SGMS1: variants seen among roughly 807,000 people sequenced by gnomAD.
SGMS1 encodes phosphatidylcholine:ceramide cholinephosphotransferase 1.
A neutral mutation model predicts 46.2 loss-of-function variants in SGMS1; 13 were observed. The observed-to-expected ratio is 0.28, with a 90% confidence interval of 0.18 to 0.45. SGMS1 has a LOEUF of 0.45. SGMS1 is among the 20% of genes least tolerant of loss of function. The pLI is 1.00. For synonymous variants in SGMS1, 203 were observed against 187.8 expected, an observed-to-expected ratio of 1.08 and a Z score of -0.66; for missense variants, 324 against 519.9, an observed-to-expected ratio of 0.62 and a Z score of 3.66.
At chr10:50,390,350 C>T (rs1220002490) in intron 6 of SGMS1, among the ~76,000 whole-genome samples, 2 of 152,144 alleles carry the variant, frequency 1.3e-5, no homozygotes, top group African/African-American at 4.8e-5. Context: ...AATTTATTTT[C>T]TTTTATGCTT....
chr10:50,492,875 C>T (rs193282230), intron 3 of SGMS1, among the ~76,000 whole-genome samples: 2 of 152,114 alleles, frequency 1.3e-5, no homozygotes, highest in African/African-American at 4.8e-5. Flanking sequence ...AAGAACTCCA[C>T]TATGGGCCAA....
intron 3 of SGMS1, among the ~76,000 whole-genome samples, chr10:50,483,986 A>G (rs545393062): frequency 6.6e-6 from 1 of 152,350 alleles, no homozygotes; most frequent in African/African-American, 2.4e-5. Flanking sequence ...TAAAAGAACT[A>G]GAGAAGAAAG....
chr10:50,433,657 G>A (rs371835357), intron 5 of SGMS1, 101 bp from the exon 6 acceptor site: 76 of 152,336 alleles, frequency 5.0e-4, no homozygotes, highest in African/African-American at 1.8e-3. Flanking sequence ...ACATAGAAAA[G>A]TCCAGTCATC....
At chr10:50,320,284 G>C (rs1265596192) in intron 8 of SGMS1, among the ~76,000 whole-genome samples, 1 of 152,124 alleles carries the variant, frequency 6.6e-6, no homozygotes, top group Non-Finnish European at 1.5e-5. Flanking sequence ...CAGATACTTG[G>C]CTAGTCTTCT....
chr10:50,465,966 A>G (rs989703125), intron 4 of SGMS1, among the ~76,000 whole-genome samples: 3 of 152,202 alleles, frequency 2.0e-5, no homozygotes, highest in Admixed American at 1.3e-4. Flanking sequence ...ATACTTATCT[A>G]AATATAGACT....
chr10:50,474,030 G>A (rs1331018320), intron 3 of SGMS1: 2 of 152,240 alleles, frequency 1.3e-5, no homozygotes, highest in African/African-American at 2.4e-5. Context: ...GAACACTTAA[G>A]CTCAGGACAA....
rs563013068 is a variant in SGMS1, at chr10:50,307,292, G to A, written c.1092C>T (p.Leu364=). The change falls in exon 11 of 11, where the codon CTC becomes CTT. Residue 364 remains leucine, a synonymous_variant. Coordinates refer to ENST00000361781, the MANE Select transcript of SGMS1 (RefSeq NM_147156.4). This position sits in a 1 kb window ranked among gnomAD's most constrained non-coding sequence, Gnocchi z 4.2. ...GCCTGTACCACCACACCCTGGCCAG[G>A]AGGTTCATCTGGGAAGCTTCCTTTA... ...QVLKEASQMN[L]LARVWWYRPF... is the part of the protein sequence containing the mutation. 2 of 1,613,620 alleles carry A rather than the reference G, an allele frequency of 1.2e-6. No homozygotes were observed. Among genetic ancestry groups the A allele is most frequent in the Non-Finnish European group, 1.7e-6 (2 of 1,179,764 alleles).
chr10:50,487,895 C>A (rs962517017), intron 3 of SGMS1, among the ~76,000 whole-genome samples: 1 of 151,998 alleles, frequency 6.6e-6, no homozygotes, highest in Non-Finnish European at 1.5e-5. Context: ...TACTATTTTA[C>A]AAGTATTTTC....
intron 3 of SGMS1, among the ~76,000 whole-genome samples, chr10:50,489,914 C>T (rs1837553830): frequency 6.6e-6 from 1 of 152,130 alleles, no homozygotes; most frequent in South Asian, 2.1e-4. Flanking sequence ...GTGGAGGTTG[C>T]AGTGAGCTGA....
chr10:50,364,767 C>T (rs2574955), intron 6 of SGMS1, among the ~76,000 whole-genome samples: 49,116 of 152,060 alleles, frequency 0.32, 8,426 homozygotes, highest in South Asian at 0.41. Flanking sequence ...CTCTCATACA[C>T]CATCAAAATG....
At chr10:50,573,473 CTAACCTGGGAGG>C (rs1355145747) in intron 2 of SGMS1, among the ~76,000 whole-genome samples, 1 of 152,070 alleles carries the variant, frequency 6.6e-6, no homozygotes, top group African/African-American at 2.4e-5. Context: ...AGAAATAAAC[CTAACCTGGGAGG>C]TAACATACTT....
At chr10:50,399,124 C>T (rs1007730120) in intron 6 of SGMS1, among the ~76,000 whole-genome samples, 1 of 151,890 alleles carries the variant, frequency 6.6e-6, no homozygotes. Context: ...AGTAAATTTA[C>T]TGAAAATCAC....
At chr10:50,443,810 T>C (rs1163190965) in intron 5 of SGMS1, among the ~76,000 whole-genome samples, 2 of 152,230 alleles carry the variant, frequency 1.3e-5, no homozygotes, top group Non-Finnish European at 1.5e-5. Flanking sequence ...TAATATTGTA[T>C]TATATAGTTT....
At chr10:50,542,221 CA>C (rs1170870275) in intron 2 of SGMS1, among the ~76,000 whole-genome samples, 7 of 152,148 alleles carry the variant, frequency 4.6e-5, no homozygotes, top group Non-Finnish European at 1.0e-4. Context: ...GCATAAAATA[CA>C]TGGAAACAAA....
At chr10:50,481,738 G>A (rs532960790) in intron 3 of SGMS1, among the ~76,000 whole-genome samples, 130 of 152,292 alleles carry the variant, frequency 8.5e-4, no homozygotes, top group African/African-American at 3.1e-3. Flanking sequence ...TGAGCTAAAA[G>A]AGTATGTTCT....
intron 2 of SGMS1, among the ~76,000 whole-genome samples, chr10:50,570,365 T>C (rs994934286): frequency 9.9e-5 from 15 of 152,224 alleles, no homozygotes; most frequent in African/African-American, 3.6e-4. Context: ...ACAATGTTAA[T>C]GATTCAGAGG....
rs576692144 is a variant in SGMS1 at position 50,307,522 on chromosome 10, A to G, written c.1063-201T>C. On this transcript the variant is annotated intron_variant, in intron 10 of 10. Coordinates refer to ENST00000361781, the MANE Select transcript of SGMS1 (RefSeq NM_147156.4). This position sits in a 1 kb window ranked among gnomAD's most constrained non-coding sequence, Gnocchi z 4.2. ...ACATCCCAGTAGAAAAACAACGCCA[A>G]TTCTGGGAGGGCAAGGAGAACTTAT... is the stretch of plus-strand genomic sequence containing the variant. Among the ~76,000 whole-genome samples, 3 of 152,236 alleles carry G rather than the reference A, an allele frequency of 2.0e-5. No individual in the cohort carries two copies. The highest frequency in any genetic ancestry group is 2.1e-4 in the South Asian group (1 of 4,816).
intron 2 of SGMS1, among the ~76,000 whole-genome samples, chr10:50,553,703 A>G (rs1298574470): frequency 6.6e-6 from 1 of 152,192 alleles, no homozygotes; most frequent in Admixed American, 6.5e-5. Context: ...GACAGCTAAT[A>G]GCTCCAAGAC....
At chr10:50,589,469 G>A (rs576771060) in intron 2 of SGMS1, among the ~76,000 whole-genome samples, 1 of 151,962 alleles carries the variant, frequency 6.6e-6, no homozygotes, top group South Asian at 2.1e-4. Context: ...TATTAAAAAT[G>A]GTTTTGGGTT....
Sources: allele counts gnomAD v4.1 joint callset (sites outside exome capture counted in the v4.1 genomes callset), GRCh38; gene constraint gnomAD v4.1.1; non-coding constraint Gnocchi (gnomAD v3.1); transcripts MANE v1.5; gene names NCBI Gene and HGNC (gene_info 2026-07-23, HGNC 2026-07-21).